Variants in DLGAP2 observed in about 807,000 individuals in gnomAD.
DLGAP2 encodes the protein DLG associated protein 2.
In DLGAP2, 26 loss-of-function variants were observed where a neutral mutation model predicts 100.3. The observed-to-expected ratio is 0.26, with a 90% confidence interval of 0.19 to 0.36. DLGAP2 has a LOEUF of 0.36. DLGAP2 is among the 10% of genes least tolerant of loss of function. The probability of loss-of-function intolerance (pLI) is 1.00; values close to 1 mark genes in which losing one functional copy is unlikely to be tolerated. For synonymous variants in DLGAP2, 886 were observed against 630.1 expected (o/e 1.41, Z -6.08); for missense variants, 1,858 against 1,453.2 (o/e 1.28, Z -4.53).
chr8:1,490,982 A>G (rs1799362735), intron 3 of DLGAP2, among the ~76,000 whole-genome samples: 1 of 149,320 alleles, frequency 6.7e-6, no homozygotes, highest in Non-Finnish European at 1.5e-5. Context: ...TATGTAACAA[A>G]CCTGCACATT....
chr8:1,575,870 A>T (rs955037945), intron 6 of DLGAP2, among the ~76,000 whole-genome samples: 8 of 152,012 alleles, frequency 5.3e-5, no homozygotes, highest in South Asian at 2.1e-4. Flanking sequence ...TCTATCATTG[A>T]TGGACATTTG....
chr8:770,950 T>C (rs577214822), intron 1 of DLGAP2, among the ~76,000 whole-genome samples: 44 of 152,010 alleles, frequency 2.9e-4, no homozygotes, highest in Non-Finnish European at 4.7e-4. Flanking sequence ...GTTGATGTGG[T>C]CTTCTTAGTG....
At chr8:1,274,086 A>T (rs7835259) in intron 3 of DLGAP2, among the ~76,000 whole-genome samples, 1 of 152,204 alleles carries the variant, frequency 6.6e-6, no homozygotes, top group African/African-American at 2.4e-5. Flanking sequence ...TCTGTTCAGC[A>T]TATCGGAATT....
chr8:1,441,359 C>T (rs1259388571), intron 3 of DLGAP2, among the ~76,000 whole-genome samples: 1 of 152,034 alleles, frequency 6.6e-6, no homozygotes, highest in Non-Finnish European at 1.5e-5. Context: ...GTTAATTGTT[C>T]ACTGTTTCTG....
chr8:804,168 A>T (rs1317215348), intron 1 of DLGAP2, among the ~76,000 whole-genome samples: 1 of 152,208 alleles, frequency 6.6e-6, no homozygotes, highest in Non-Finnish European at 1.5e-5. Flanking sequence ...AGGGAGAATC[A>T]TATATTTGTT....
chr8:1,306,191 C>T (rs993018976), intron 3 of DLGAP2, among the ~76,000 whole-genome samples: 2 of 151,422 alleles, frequency 1.3e-5, no homozygotes, highest in Admixed American at 1.3e-4. Flanking sequence ...TGTGAAGATT[C>T]CCCCCCACCC....
intron 6 of DLGAP2, among the ~76,000 whole-genome samples, chr8:1,605,902 G>C (rs1287670170): frequency 1.3e-5 from 2 of 152,224 alleles, no homozygotes; most frequent in African/African-American, 4.8e-5. Context: ...AAGGTCTTCA[G>C]GCTCAAATCT....
intron 1 of DLGAP2, among the ~76,000 whole-genome samples, chr8:864,025 A>T (rs550519883): frequency 3.9e-5 from 6 of 152,222 alleles, no homozygotes; most frequent in Non-Finnish European, 5.9e-5. Context: ...CATCAAAAGG[A>T]TGAAATCCTG....
At chr8:1,119,200 A>G (rs946355462) in intron 2 of DLGAP2, among the ~76,000 whole-genome samples, 4 of 152,270 alleles carry the variant, frequency 2.6e-5, no homozygotes, top group African/African-American at 9.6e-5. Flanking sequence ...CACTTAAGGC[A>G]TGCAATTTGC....
chr8:1,003,937 C>A (rs1801033861), intron 2 of DLGAP2, among the ~76,000 whole-genome samples: 1 of 151,994 alleles, frequency 6.6e-6, no homozygotes, highest in African/African-American at 2.4e-5. Context: ...GCTTGGTGTC[C>A]CCCTCCCAAA....
At chr8:1,124,687 CAT>C (rs914115755) in intron 2 of DLGAP2, among the ~76,000 whole-genome samples, 3 of 152,190 alleles carry the variant, frequency 2.0e-5, no homozygotes, top group African/African-American at 7.2e-5. Flanking sequence ...CCTAAGCAAA[CAT>C]ATGATTTTCA....
At position 1,267,244 on chromosome 8, in the gene DLGAP2, TAAATAAAATAAAATA is replaced by T. The variant is rs199767284; in HGVS notation, c.106+8385_106+8399del. Among the ~76,000 whole-genome samples, 1,031 of 138,750 alleles carry T rather than the reference TAAATAAAATAAAATA, an allele frequency of 7.4e-3. 21 individuals carry two copies. The highest frequency in any genetic ancestry group is 0.025 in the African/African-American group (931 of 36,862). 91.0% of individuals were successfully genotyped at this position (138,750 alleles called of 152,430 possible). A position where few individuals can be genotyped will look rare whatever the true frequency, so the allele number is the denominator to read the frequency against. On this transcript the variant is annotated intron_variant, in intron 3 of 14. Transcript: ENST00000637795. ...GAGACTTCATCTCAAAATAAATAAA[TAAATAAAATAAAATA>T]AAATAAAATAAAATAAAATAAAAAG...
intron 2 of DLGAP2, among the ~76,000 whole-genome samples, chr8:1,190,210 T>A (rs1377494770): frequency 6.6e-6 from 1 of 152,212 alleles, no homozygotes; most frequent in Non-Finnish European, 1.5e-5. Flanking sequence ...CCCAGACCTC[T>A]TCCAGATTCT....
intron 1 of DLGAP2, among the ~76,000 whole-genome samples, chr8:882,930 G>A (rs1797840570): frequency 6.6e-6 from 1 of 152,250 alleles, no homozygotes; most frequent in African/African-American, 2.4e-5. Context: ...TCTGGGCATG[G>A]GTAACTACTC....
intron 2 of DLGAP2, among the ~76,000 whole-genome samples, chr8:1,256,324 GTCTGGGTGC>G: frequency 8.5e-6 from 1 of 118,092 alleles, no homozygotes; most frequent in South Asian, 3.0e-4. Context: ...CTCTCATCCT[GTCTGGGTGC>G]CATGTGTGTG....
At chr8:1,329,358 G>A (rs1207353481) in intron 3 of DLGAP2, among the ~76,000 whole-genome samples, 4 of 152,186 alleles carry the variant, frequency 2.6e-5, no homozygotes, top group African/African-American at 9.7e-5. Context: ...ATTTCATTTA[G>A]AATTCATACT....
rs371963643 is a variant in DLGAP2, at chr8:1,581,719, G to T, written c.1442+15825G>T. Reference sequence around the variant, plus strand: ...ACACACCGCAGTCAAACTACCAGAAGTGAAGGATACAGATAAAACCCCACA... The same window carrying T: ...ACACACCGCAGTCAAACTACCAGAATTGAAGGATACAGATAAAACCCCACA... On this transcript the variant is annotated intron_variant, in intron 6 of 14. Transcript: ENST00000637795. 8.9e-4 allele frequency among the ~76,000 whole-genome samples: 133 copies of T among 149,828 alleles called. 4 individuals carry two copies. In the South Asian group the frequency reaches 0.026, roughly 29 times the overall value.
At chr8:1,175,460 G>A (rs1368829767) in intron 2 of DLGAP2, among the ~76,000 whole-genome samples, 1 of 152,156 alleles carries the variant, frequency 6.6e-6, no homozygotes, top group East Asian at 1.9e-4. Context: ...TATTATAAAA[G>A]CATAATTTGA....
chr8:1,560,257 T>C (rs1013535064), intron 5 of DLGAP2, among the ~76,000 whole-genome samples: 2 of 152,260 alleles, frequency 1.3e-5, no homozygotes, highest in East Asian at 3.8e-4. Context: ...TGTCAAGTGC[T>C]TTAAAAATTG....
Sources: allele counts gnomAD v4.1 joint callset (sites outside exome capture counted in the v4.1 genomes callset), GRCh38; gene constraint gnomAD v4.1.1; transcripts MANE v1.5; gene names NCBI Gene and HGNC (gene_info 2026-07-23, HGNC 2026-07-21).